The following GRAMD2B variants were observed in gnomAD, a reference collection of about 807,000 sequenced individuals.
GRAMD2B encodes GRAM domain-containing protein 2B.
GRAMD2B carries 41 observed loss-of-function variants against 59.2 expected under a neutral mutation model. That is an observed-to-expected ratio of 0.69 (90% CI 0.54 to 0.90). The LOEUF (loss-of-function observed/expected upper bound fraction) is 0.90, where lower values mean the gene tolerates loss of function less well. Ranked by LOEUF, GRAMD2B falls within the 40% of genes least tolerant of loss-of-function variation. The pLI, the probability that GRAMD2B is intolerant of heterozygous loss-of-function variation, is 0.00. For missense variants in GRAMD2B, 424 were observed against 500.5 expected, an observed-to-expected ratio of 0.85 and a Z score of 1.46; for synonymous variants, 161 against 182.7, an observed-to-expected ratio of 0.88 and a Z score of 0.96.
At chr5:126,441,207 A>T (rs1763232794) in intron 1 of GRAMD2B, among the ~76,000 whole-genome samples, 1 of 152,214 alleles carries the variant, frequency 6.6e-6, no homozygotes, top group Admixed American at 6.5e-5. Context: ...GAGGAGATAG[A>T]TACCTTTTAG....
chr5:126,471,491 T>A (rs1405410291), intron 3 of GRAMD2B, among the ~76,000 whole-genome samples: 2 of 152,220 alleles, frequency 1.3e-5, no homozygotes, highest in Non-Finnish European at 2.9e-5. Flanking sequence ...GAGGATGAAG[T>A]GATTTACAGC....
intron 2 of GRAMD2B, 134 bp downstream of exon 2, chr5:126,465,679 A>C: frequency 2.5e-6 from 2 of 792,152 alleles, no homozygotes; most frequent in East Asian, 5.2e-5. Context: ...AGAAAGAATG[A>C]GCATTTTTCC....
At chr5:126,450,773 A>G (rs1160579420) in intron 1 of GRAMD2B, among the ~76,000 whole-genome samples, 2 of 152,122 alleles carry the variant, frequency 1.3e-5, no homozygotes, top group Non-Finnish European at 2.9e-5. Context: ...TGCAAGCTGT[A>G]AGCCTTGGTG....
At chr5:126,462,498 C>G in intron 1 of GRAMD2B, 6 of 958,202 alleles carry the variant, frequency 6.3e-6, no homozygotes, top group South Asian at 4.8e-5. Context: ...CTTGCTTGAG[C>G]CTGTAGCATC....
At chr5:126,416,009 A>G (rs1024616513) in intron 1 of GRAMD2B, among the ~76,000 whole-genome samples, 3 of 152,236 alleles carry the variant, frequency 2.0e-5, no homozygotes, top group African/African-American at 7.2e-5. Context: ...GAACATGCCA[A>G]TCATGGCAGG....
intron 2 of GRAMD2B, among the ~76,000 whole-genome samples, chr5:126,467,063 G>A (rs925195446): frequency 2.0e-5 from 3 of 152,122 alleles, no homozygotes; most frequent in East Asian, 1.9e-4. Flanking sequence ...ACTGAGGTGG[G>A]TGGATAACTT....
chr5:126,432,457 A>T (rs1168658091), intron 1 of GRAMD2B, among the ~76,000 whole-genome samples: 1 of 152,234 alleles, frequency 6.6e-6, no homozygotes, highest in Non-Finnish European at 1.5e-5. Flanking sequence ...TGATTCTGAA[A>T]GCTTTAGTGT....
intron 1 of GRAMD2B, among the ~76,000 whole-genome samples, chr5:126,399,294 A>C (rs567962355): frequency 6.6e-6 from 1 of 152,264 alleles, no homozygotes; most frequent in East Asian, 1.9e-4. Flanking sequence ...TATTTTGTAT[A>C]TATGATATGG....
chr5:126,379,207 C>T (rs1755453544), intron 1 of GRAMD2B, among the ~76,000 whole-genome samples: 1 of 152,128 alleles, frequency 6.6e-6, no homozygotes, highest in Non-Finnish European at 1.5e-5. Context: ...TCTCCAATTC[C>T]ATCCAGGTTG....
intron 1 of GRAMD2B, among the ~76,000 whole-genome samples, chr5:126,450,652 T>TA (rs10544199): frequency 0.31 from 29,589 of 95,660 alleles, 5,231 homozygotes; most frequent in East Asian, 0.6. Flanking sequence ...AGCCTGCTGT[T>TA]AAAAAAAAAA....
intron 1 of GRAMD2B, among the ~76,000 whole-genome samples, chr5:126,463,672 C>G (rs1398192525): frequency 6.6e-6 from 1 of 152,170 alleles, no homozygotes; most frequent in Non-Finnish European, 1.5e-5. Context: ...GGACCTCTGT[C>G]CTCAGATATG....
chr5:126,383,696 C>T (rs909791336), intron 1 of GRAMD2B, among the ~76,000 whole-genome samples: 3 of 152,156 alleles, frequency 2.0e-5, no homozygotes. Context: ...AGATACATGA[C>T]CAAAATGGCA....
chr5:126,456,631 T>G (rs986487441), intron 1 of GRAMD2B, among the ~76,000 whole-genome samples: 1 of 152,238 alleles, frequency 6.6e-6, no homozygotes, highest in African/African-American at 2.4e-5. Flanking sequence ...CCTGTTTTGA[T>G]GGAAAAGAAT....
chr5:126,467,239 C>T (rs183369667), intron 2 of GRAMD2B, among the ~76,000 whole-genome samples: 1 of 152,188 alleles, frequency 6.6e-6, no homozygotes, highest in East Asian at 1.9e-4. Context: ...TGTGCCACTC[C>T]AGCCTCAGCA....
At chr5:126,434,569 G>C (rs1486475012) in intron 1 of GRAMD2B, among the ~76,000 whole-genome samples, 2 of 151,640 alleles carry the variant, frequency 1.3e-5, no homozygotes, top group Non-Finnish European at 2.9e-5. Context: ...CCAGGCTGGA[G>C]TGCAGTGGTG....
chr5:126,373,467 A>C (rs1219450221), intron 1 of GRAMD2B, among the ~76,000 whole-genome samples: 1 of 152,226 alleles, frequency 6.6e-6, no homozygotes. Context: ...TACAATTTAC[A>C]CAGTGTTTGT....
At chr5:126,484,758 AT>A (rs891290267) in intron 10 of GRAMD2B, among the ~76,000 whole-genome samples, 2 of 151,882 alleles carry the variant, frequency 1.3e-5, no homozygotes, top group African/African-American at 4.8e-5. Context: ...TAATTTTTGT[AT>A]TTTTAGTAGA....
At chr5:126,447,527 G>A (rs1032671982) in intron 1 of GRAMD2B, among the ~76,000 whole-genome samples, 7 of 152,112 alleles carry the variant, frequency 4.6e-5, no homozygotes, top group East Asian at 1.9e-4. Context: ...AGCCGGGCGT[G>A]GTGGCGGGCG....
chr5:126,484,649 T>G, intron 10 of GRAMD2B, 125 bp downstream of exon 10: 1 of 955,202 alleles, frequency 1.0e-6, no homozygotes. Context: ...AATAACATGA[T>G]CTTGGCTCAC....
Sources: gnomAD v4.1 joint callset for allele counts (sites outside exome capture counted in the v4.1 genomes callset) on GRCh38, gnomAD v4.1.1 for gene constraint, MANE v1.5 for transcripts, NCBI Gene and HGNC (gene_info 2026-07-23, HGNC 2026-07-21) for gene names.